Variants in KLC1 observed in about 807,000 individuals in gnomAD.
KLC1 encodes kinesin 2 60/70kDa.
In KLC1, 30 loss-of-function variants were observed where a neutral mutation model predicts 84.2. That is an observed-to-expected ratio of 0.36 (90% CI 0.27 to 0.48). The LOEUF (loss-of-function observed/expected upper bound fraction) is 0.48, where lower values mean the gene tolerates loss of function less well. KLC1 is among the 20% of genes least tolerant of loss of function. The probability of loss-of-function intolerance (pLI) is 0.99; values close to 1 mark genes in which losing one functional copy is unlikely to be tolerated. For missense variants in KLC1, 499 were observed against 805.4 expected (o/e 0.62, Z 4.60); for synonymous variants, 289 against 293.3 (o/e 0.99, Z 0.15).
At chr14:103,642,769 G>GTTT (rs1301279531) in intron 1 of KLC1, among the ~76,000 whole-genome samples, 4 of 139,962 alleles carry the variant, frequency 2.9e-5, no homozygotes, top group Non-Finnish European at 6.3e-5. Context: ...TGGTTTTTTG[G>GTTT]TTTTTTTTTT....
chr14:103,659,333 T>A (rs2079098377), intron 3 of KLC1, among the ~76,000 whole-genome samples: 1 of 152,246 alleles, frequency 6.6e-6, no homozygotes, highest in South Asian at 2.1e-4. Context: ...TTTTTAATTT[T>A]AAAAATTTTA....
chr14:103,662,384 C>T (rs115474467), intron 4 of KLC1, among the ~76,000 whole-genome samples, 190 bp downstream of exon 4: 2,463 of 152,184 alleles, frequency 0.016, 64 homozygotes, highest in African/African-American at 0.055. Context: ...AGAGCAGACC[C>T]TAGGATACAG....
chr14:103,653,245 G>A (rs1171343719), intron 1 of KLC1, among the ~76,000 whole-genome samples: 1 of 152,184 alleles, frequency 6.6e-6, no homozygotes, highest in Non-Finnish European at 1.5e-5. Context: ...CTGGACTCAA[G>A]CGATCCTTGT....
At chr14:103,645,975 G>C (rs2077891933) in intron 1 of KLC1, among the ~76,000 whole-genome samples, 1 of 151,904 alleles carries the variant, frequency 6.6e-6, no homozygotes, top group Admixed American at 6.6e-5. Flanking sequence ...AGCCAGGATG[G>C]TCTTGATCTC....
chr14:103,673,456 G>A (rs772065052), intron 9 of KLC1, 25 bp downstream of exon 9: 5 of 1,416,948 alleles, frequency 3.5e-6, no homozygotes, highest in Non-Finnish European at 4.9e-6. Flanking sequence ...CCCGTTTCAA[G>A]TGAATTTAAT....
chr14:103,684,721 C>CGT (rs781062748), intron 13 of KLC1: 43 of 434,852 alleles, frequency 9.9e-5, no homozygotes, highest in Middle Eastern at 6.5e-4. Flanking sequence ...CGTGTGTGCA[C>CGT]GCGTGTGTGT....
intron 2 of KLC1, 84 bp from the exon 3 acceptor site, chr14:103,657,462 C>CCCAG (rs1367733548): frequency 2.0e-6 from 2 of 1,014,272 alleles, no homozygotes; most frequent in Non-Finnish European, 3.0e-6. Flanking sequence ...AAGCTACAGC[C>CCCAG]CCAGCCACAG....
At chr14:103,658,524 C>T (rs964834030) in intron 3 of KLC1, among the ~76,000 whole-genome samples, 3 of 150,940 alleles carry the variant, frequency 2.0e-5, no homozygotes, top group African/African-American at 7.3e-5. Flanking sequence ...ATCTGCCCAC[C>T]TCAGCCTCCC....
In KLC1 at chr14:103,693,458, T is replaced by C; in HGVS notation, c.1848+1033T>C. The C allele has an allele frequency of 6.6e-7, 1 of 1,516,958 alleles. No individual in the cohort carries two copies. Among genetic ancestry groups the C allele is most frequent in the Non-Finnish European group, 8.8e-7 (1 of 1,135,910 alleles). 94.0% of individuals were successfully genotyped at this position (1,516,958 alleles called of 1,614,324 possible). A position where few individuals can be genotyped will look rare whatever the true frequency, so the allele number is the denominator to read the frequency against. ...TCTCGAGTGCCAACCTAGATTTAGCTGTGCAGCTGGTACTGTTAGGCCTGA... is the reference window on the plus strand; with the variant it reads ...TCTCGAGTGCCAACCTAGATTTAGCCGTGCAGCTGGTACTGTTAGGCCTGA... On this transcript the variant is annotated intron_variant, in intron 15 of 16. Coordinates refer to ENST00000334553, the MANE Select transcript of KLC1 (RefSeq NM_001394837.1). The surrounding 1 kb of genome is among the most constrained non-coding windows in gnomAD (Gnocchi z 5.1).
At chr14:103,645,737 T>C (rs1164071495) in intron 1 of KLC1, among the ~76,000 whole-genome samples, 1 of 151,026 alleles carries the variant, frequency 6.6e-6, no homozygotes, top group African/African-American at 2.4e-5. Flanking sequence ...ATAGAAAAGA[T>C]ATAGTCAAAA....
chr14:103,652,832 G>C (rs927460002), intron 1 of KLC1, among the ~76,000 whole-genome samples: 2 of 152,194 alleles, frequency 1.3e-5, no homozygotes, highest in African/African-American at 4.8e-5. Flanking sequence ...TTTGTTAGTG[G>C]AGTGGAGGTG....
intron 5 of KLC1, among the ~76,000 whole-genome samples, chr14:103,666,558 C>T (rs1306095581): frequency 3.3e-5 from 5 of 151,616 alleles, no homozygotes; most frequent in Non-Finnish European, 5.9e-5. Context: ...AATATGTCAT[C>T]GTTTACAGAA....
At chr14:103,685,950 T>G in intron 13 of KLC1, 1 of 1,124,946 alleles carries the variant, frequency 8.9e-7, no homozygotes, top group Non-Finnish European at 1.1e-6. Flanking sequence ...TAACAGGTAG[T>G]TAAGTGTCAC....
chr14:103,658,259 TTTC>T (rs558399069), intron 3 of KLC1, among the ~76,000 whole-genome samples: 145 of 151,942 alleles, frequency 9.5e-4, no homozygotes, highest in African/African-American at 2.9e-3. Context: ...CGATCTTGGT[TTTC>T]TTCTTCTTCT....
Position 103,679,589 on chromosome 14 carries a change from C to CA in KLC1, c.1650+46dup, listed in dbSNP as rs1301140805. ...GGGCACGTGCTCCGGGAGGCGCCCC[C>CA]AAGTGGCGCTTGCCAGGCCTTCCTC... is the stretch of plus-strand genomic sequence containing the variant. On this transcript the variant is annotated intron_variant, in intron 13 of 16. Transcript: ENST00000334553. 2.0e-6 allele frequency: 3 copies of CA among 1,496,956 alleles called. No homozygotes were observed. In the African/African-American group the frequency reaches 4.1e-5, roughly 21 times the overall value. 92.7% of individuals were successfully genotyped at this position (1,496,956 alleles called of 1,614,324 possible).
intron 15 of KLC1, chr14:103,699,619 C>A: frequency 6.2e-7 from 1 of 1,602,856 alleles, no homozygotes. Flanking sequence ...CAGCAAGTCC[C>A]CGCCCCAGGT....
chr14:103,652,911 AAG>A (rs1347371401), intron 1 of KLC1, among the ~76,000 whole-genome samples: 1 of 152,220 alleles, frequency 6.6e-6, no homozygotes, highest in Non-Finnish European at 1.5e-5. Context: ...TGTATGGAAA[AAG>A]AAAATCATTT....
At chr14:103,632,148 T>C (rs1268440552) in intron 1 of KLC1, among the ~76,000 whole-genome samples, 1 of 152,066 alleles carries the variant, frequency 6.6e-6, no homozygotes, top group Non-Finnish European at 1.5e-5. Context: ...CTTAACTCTT[T>C]GGGAGGCTGA....
intron 1 of KLC1, among the ~76,000 whole-genome samples, chr14:103,650,301 G>C (rs899523041): frequency 6.6e-6 from 1 of 152,104 alleles, no homozygotes; most frequent in Non-Finnish European, 1.5e-5. Flanking sequence ...CCACACCCCA[G>C]GGTAGGTGAG....
Sources: allele counts gnomAD v4.1 joint callset (sites outside exome capture counted in the v4.1 genomes callset), GRCh38; gene constraint gnomAD v4.1.1; non-coding constraint Gnocchi (gnomAD v3.1); transcripts MANE v1.5; gene names NCBI Gene and HGNC (gene_info 2026-07-23, HGNC 2026-07-21).